DPP6: variants seen among roughly 807,000 people sequenced by gnomAD.
DPP6 encodes A-type potassium channel modulatory protein DPP6.
In DPP6, 69 loss-of-function variants were observed where a neutral mutation model predicts 122.6. The observed-to-expected ratio is 0.56, with a 90% CI of 0.46 to 0.69. DPP6 has a LOEUF of 0.69. Ranked by LOEUF, DPP6 falls within the 30% of genes least tolerant of loss-of-function variation. DPP6 has a pLI of 0.00. For synonymous variants in DPP6, 418 were observed against 433.1 expected, an observed-to-expected ratio of 0.97 and a Z score of 0.43; for missense variants, 928 against 1,116.9, an observed-to-expected ratio of 0.83 and a Z score of 2.41.
At position 154,404,068 on chromosome 7, in the gene DPP6, T is replaced by G. The variant is rs192010065; in HGVS notation, c.244-42146T>G. On this transcript the variant is annotated intron_variant, in intron 1 of 25. Transcript: ENST00000377770. Reference sequence around the variant, plus strand: ...CCCAGAGATTAGCTCATTATAGGTTTTATTCAACAAAGTAATTATTGCAGA... The same window carrying G: ...CCCAGAGATTAGCTCATTATAGGTTGTATTCAACAAAGTAATTATTGCAGA... Among the ~76,000 whole-genome samples, 333 of 152,346 alleles carry G rather than the reference T, an allele frequency of 2.2e-3. 3 individuals are homozygous for G. The highest frequency in any genetic ancestry group is 0.013 in the Admixed American group (206 of 15,304).
chr7:154,730,744 A>C (rs1842299371), intron 8 of DPP6, among the ~76,000 whole-genome samples: 1 of 152,178 alleles, frequency 6.6e-6, no homozygotes, highest in African/African-American at 2.4e-5. Flanking sequence ...CCCTAAGAGA[A>C]AGGGCCCCTA....
intron 8 of DPP6, among the ~76,000 whole-genome samples, chr7:154,731,095 T>C (rs1247759586): frequency 6.6e-6 from 1 of 152,210 alleles, no homozygotes; most frequent in Non-Finnish European, 1.5e-5. Flanking sequence ...CTGAGGATTC[T>C]TGCTTCCTTT....
At chr7:154,452,768 T>G (rs1355463339) in intron 2 of DPP6, among the ~76,000 whole-genome samples, 1 of 152,188 alleles carries the variant, frequency 6.6e-6, no homozygotes, top group Non-Finnish European at 1.5e-5. Flanking sequence ...GGCCTCATGG[T>G]AATCACTCTG....
rs1469285556 is a variant in DPP6 at position 154,058,241 on chromosome 7, G to GA, written c.243+5178_243+5179insA. The GA allele has an allele frequency of 2.7e-5, 4 of 149,602 alleles. 1 individual carries two copies. The highest frequency in any genetic ancestry group is 2.6e-4 in the Admixed American group (4 of 15,144). 9.3% of individuals were successfully genotyped at this position (149,602 alleles called of 1,614,324 possible). Reference sequence around the variant, plus strand: ...GGCTCTTTGCACCCCCATCGCAGGGGGGGAGGCACCCCTCGTGATGCGGGG... The same window carrying GA: ...GGCTCTTTGCACCCCCATCGCAGGGGAGGGAGGCACCCCTCGTGATGCGGGG... On this transcript the variant is annotated intron_variant, in intron 1 of 25. Transcript: ENST00000377770.
At chr7:153,931,596 T>C (rs1458200906) in intron 1 of DPP6, among the ~76,000 whole-genome samples, 4 of 152,224 alleles carry the variant, frequency 2.6e-5, no homozygotes, top group South Asian at 2.1e-4. Context: ...TTCATTATTC[T>C]GTCAGATTCC....
intron 1 of DPP6, among the ~76,000 whole-genome samples, chr7:154,105,951 C>G (rs1356258730): frequency 6.7e-6 from 1 of 149,298 alleles, no homozygotes; most frequent in Non-Finnish European, 1.5e-5. Flanking sequence ...GACTCGCTTT[C>G]CCATCTCACT....
chr7:153,998,173 T>G (rs1463746324), intron 1 of DPP6, among the ~76,000 whole-genome samples: 3 of 151,856 alleles, frequency 2.0e-5, no homozygotes, highest in African/African-American at 7.3e-5. Context: ...CAAAGACGTA[T>G]CTCTAGATAG....
chr7:154,305,289 G>T (rs1585880027), intron 1 of DPP6: 6 of 1,317,856 alleles, frequency 4.6e-6, no homozygotes, highest in Non-Finnish European at 5.8e-6. Flanking sequence ...TCCTGCTTCG[G>T]ATCCTCTCTC....
intron 1 of DPP6, among the ~76,000 whole-genome samples, chr7:154,300,154 C>T (rs1000604985): frequency 2.6e-5 from 4 of 152,240 alleles, no homozygotes; most frequent in Non-Finnish European, 5.9e-5. Flanking sequence ...CATGGCAAGA[C>T]AAGCGGCTGC....
chr7:154,709,017 C>T (rs1231701865), intron 7 of DPP6, among the ~76,000 whole-genome samples: 14 of 151,204 alleles, frequency 9.3e-5, no homozygotes, highest in Non-Finnish European at 1.5e-5. Flanking sequence ...CACTGCAGTC[C>T]AGCCTCACCG....
At chr7:154,521,650 C>G (rs1222081575) in intron 3 of DPP6, among the ~76,000 whole-genome samples, 5 of 152,210 alleles carry the variant, frequency 3.3e-5, no homozygotes, top group Non-Finnish European at 5.9e-5. Context: ...TGAAATGTAG[C>G]TACTTCCCAA....
At chr7:154,800,439 G>A (rs994314582) in intron 12 of DPP6, among the ~76,000 whole-genome samples, 6 of 152,186 alleles carry the variant, frequency 3.9e-5, no homozygotes, top group African/African-American at 7.2e-5. Flanking sequence ...TGGTGTTCAC[G>A]GATGGAAACT....
In DPP6 at chr7:154,401,901, G is replaced by GA. The variant is rs1337276381; in HGVS notation, c.244-44306dup. On this transcript the variant is annotated intron_variant, in intron 1 of 25. Coordinates refer to ENST00000377770, the MANE Select transcript of DPP6 (RefSeq NM_130797.4). ...ACAATGAACTCAAACAAATTTACAA[G>GA]AAAAAAACAAACAACCCCATCAAAA... Among the ~76,000 whole-genome samples, 4 of 151,926 alleles carry GA rather than the reference G, an allele frequency of 2.6e-5. 1 individual carries two copies. Among genetic ancestry groups the GA allele is most frequent in the South Asian group, 2.1e-4 (1 of 4,826 alleles).
In DPP6 at chr7:154,722,458, A is replaced by C. The variant is rs577723545; in HGVS notation, c.763-5309A>C. 2.0e-5 allele frequency among the ~76,000 whole-genome samples: 3 copies of C among 152,376 alleles called. No homozygotes were observed. The East Asian group carries it at 5.8e-4, about 29-fold the overall frequency. ...GACCTCAATGACTTCTGCAGGACTGAAAGTTACATCTTGATTCTGGAGGGA... is the reference window on the plus strand; with the variant it reads ...GACCTCAATGACTTCTGCAGGACTGCAAGTTACATCTTGATTCTGGAGGGA... On this transcript the variant is annotated intron_variant, in intron 7 of 25. Transcript: ENST00000377770.
At chr7:153,837,904 C>T in the DPP6 span, among the ~76,000 whole-genome samples, 1 of 140,892 alleles carries the variant, frequency 7.1e-6, no homozygotes, top group African/African-American at 2.7e-5. Flanking sequence ...GAACTCCTGA[C>T]CTCAGGTGAT....
chr7:154,449,886 T>A (rs902902599), intron 2 of DPP6, among the ~76,000 whole-genome samples: 1 of 152,052 alleles, frequency 6.6e-6, no homozygotes, highest in Admixed American at 6.5e-5. Context: ...CACATGCCTG[T>A]AGTCCCAGCT....
At chr7:154,627,264 C>T (rs1181025569) in intron 5 of DPP6, among the ~76,000 whole-genome samples, 24 of 144,652 alleles carry the variant, frequency 1.7e-4, no homozygotes, top group Non-Finnish European at 3.3e-4. Flanking sequence ...GGCGCGATCT[C>T]GGCTTACTGC....
intron 1 of DPP6, among the ~76,000 whole-genome samples, chr7:154,021,100 A>T (rs1798676533): frequency 6.6e-6 from 1 of 152,186 alleles, no homozygotes; most frequent in Non-Finnish European, 1.5e-5. Context: ...TAACACCCAC[A>T]TGCAGAGGGT....
At chr7:154,882,698 G>T (rs892367551) in intron 21 of DPP6, among the ~76,000 whole-genome samples, 1 of 151,820 alleles carries the variant, frequency 6.6e-6, no homozygotes, top group Admixed American at 6.6e-5. Context: ...GCAGAAGATT[G>T]CCTGTCTCTC....
Sources: gnomAD v4.1 joint callset for allele counts (sites outside exome capture counted in the v4.1 genomes callset) on GRCh38, gnomAD v4.1.1 for gene constraint, MANE v1.5 for transcripts, NCBI Gene and HGNC (gene_info 2026-07-23, HGNC 2026-07-21) for gene names.